Variants in MMRN1 observed in about 807,000 individuals in gnomAD.
MMRN1 encodes the protein multimerin 1.
Under a neutral mutation model 100.7 loss-of-function variants are expected in MMRN1, and 94 were observed. The observed-to-expected ratio is 0.93, with a 90% CI of 0.79 to 1.11. The LOEUF (loss-of-function observed/expected upper bound fraction) is 1.11, where lower values mean the gene tolerates loss of function less well. MMRN1 is among the 50% of genes least tolerant of loss of function. The pLI, the probability that MMRN1 is intolerant of heterozygous loss-of-function variation, is 0.00. For synonymous variants in MMRN1, 575 were observed against 505.0 expected (o/e 1.14, Z -1.86); for missense variants, 1,606 against 1,439.1 (o/e 1.12, Z -1.88).
At chr4:89,898,227 G>T (rs1721270627) in intron 1 of MMRN1, among the ~76,000 whole-genome samples, 1 of 151,984 alleles carries the variant, frequency 6.6e-6, no homozygotes, top group African/African-American at 2.4e-5. Context: ...ACACTTATAT[G>T]GCATCTGTTA....
At chr4:89,947,064 C>T (rs1227311688) in intron 6 of MMRN1, among the ~76,000 whole-genome samples, 1 of 152,092 alleles carries the variant, frequency 6.6e-6, no homozygotes, top group African/African-American at 2.4e-5. Flanking sequence ...GGTGGATCAC[C>T]TGAGGTTGGA....
chr4:89,953,328 G>A lies in MMRN1; in HGVS notation c.3597G>A (p.Gln1199=). The change falls in exon 8 of 8, where the codon CAG becomes CAA. Residue 1199 remains glutamine, a synonymous_variant. Transcript: ENST00000264790. ...CCTTATTAGAATTAAATTATGGGCA[G>A]GAAGTCTGGTTACGACTTGCAAAAG... ...GDALLELNYG[Q]EVWLRLAKGT... 2 of 1,613,774 alleles carry A rather than the reference G, an allele frequency of 1.2e-6. No homozygotes were observed. The highest frequency in any genetic ancestry group is 1.1e-5 in the South Asian group (1 of 91,044).
chr4:89,917,308 C>A (rs1047903558), intron 3 of MMRN1, among the ~76,000 whole-genome samples: 5 of 151,692 alleles, frequency 3.3e-5, no homozygotes, highest in African/African-American at 1.2e-4. Flanking sequence ...TATAATAAAG[C>A]TTTACCAAAG....
Position 89,894,987 on chromosome 4 carries a change from T to C in MMRN1, c.16T>C (p.Leu6=), listed in dbSNP as rs2110578152. 4 of 1,611,350 alleles carry C rather than the reference T, an allele frequency of 2.5e-6. No individual in the cohort carries two copies. The highest frequency in any genetic ancestry group is 3.4e-6 in the Non-Finnish European group (4 of 1,178,334). ...AACTACTGAGATGAAGGGGGCAAGA[T>C]TATTTGTCCTTCTTTCTAGTTTATG... MKGAR[L]FVLLSSLWSG... The change falls in exon 1 of 8, where the codon TTA becomes CTA. Residue 6 remains leucine (L), a synonymous_variant. Transcript: ENST00000264790.
At position 89,911,929 on chromosome 4, in the gene MMRN1, TG is replaced by T; in HGVS notation, c.744-14del. 1 of 1,495,772 alleles carries T rather than the reference TG, an allele frequency of 6.7e-7. No individual in the cohort carries two copies. The highest frequency in any genetic ancestry group is 9.2e-7 in the Non-Finnish European group (1 of 1,082,268). The allele number at this position is 1,495,772 out of a possible 1,614,324, so 92.7% of individuals were successfully genotyped here. A position where few individuals can be genotyped will look rare whatever the true frequency, so the allele number is the denominator to read the frequency against. ...AACAAATAATCGATTTCCCTCCAAT[TG>T]CTCAACTCTCTAGATCTCAGAAGAT... On this transcript the variant is annotated splice_polypyrimidine_tract_variant and intron_variant, in intron 2 of 7. Coordinates refer to ENST00000264790, the MANE Select transcript of MMRN1 (RefSeq NM_007351.3).
intron 6 of MMRN1, among the ~76,000 whole-genome samples, chr4:89,946,975 G>C (rs902914652): frequency 1.3e-5 from 2 of 152,020 alleles, no homozygotes; most frequent in African/African-American, 4.8e-5. Flanking sequence ...GGGAGAAGTT[G>C]TGGAAAGTTC....
rs546691663 is a variant in MMRN1, at chr4:89,887,118, C to G, written c.-249+7516C>G. 5.9e-5 allele frequency among the ~76,000 whole-genome samples: 9 copies of G among 151,990 alleles called. No homozygotes were observed. In the South Asian group the frequency reaches 1.2e-3, roughly 21 times the overall value. ...AGAAAACATGTGTATGTTTTTGAAG[C>G]CTTTGTCAAAAATTATTGATGAAAG... On this transcript the variant is annotated intron_variant, in intron 1 of 8. Transcript: ENST00000394980.
At chr4:89,936,911 G>A in intron 6 of MMRN1, 113 bp downstream of exon 6, 2 of 922,364 alleles carry the variant, frequency 2.2e-6, no homozygotes, top group Non-Finnish European at 3.1e-6. Flanking sequence ...CTTGAACTTG[G>A]ATAGATAGTC....
intron 5 of MMRN1, among the ~76,000 whole-genome samples, chr4:89,930,537 G>A (rs1578490859): frequency 7.1e-6 from 1 of 140,892 alleles, no homozygotes; most frequent in Non-Finnish European, 1.5e-5. Context: ...AAATTTTATT[G>A]TACCTTTCAA....
upstream of MMRN1, among the ~76,000 whole-genome samples, chr4:89,892,434 C>T (rs1344882276): frequency 3.3e-5 from 5 of 151,324 alleles, no homozygotes; most frequent in African/African-American, 7.3e-5. Flanking sequence ...TTCAGCCAGT[C>T]ATCTCAGCAA....
rs748985971 is a variant in MMRN1 at position 89,934,895 on chromosome 4, T to C, written c.1215T>C (p.Thr405=). ...TTTTTCAAAATGACATGCAAGAGACTGTAGCACAGCTCTTCAAGACTGTAT... is the reference window on the plus strand; with the variant it reads ...TTTTTCAAAATGACATGCAAGAGACCGTAGCACAGCTCTTCAAGACTGTAT... The part of the protein sequence containing the change: ...FKIFQNDMQE[T]VAQLFKTVSS... Residue 405 remains threonine (T), a synonymous_variant, in exon 6 of 8, where the codon ACT becomes ACC. Transcript: ENST00000264790. 4.3e-6 allele frequency: 7 copies of C among 1,610,458 alleles called. No homozygotes were observed. The Admixed American group carries it at 5.1e-5, about 12-fold the overall frequency.
chr4:89,885,575 T>C (rs1207700184), intron 1 of MMRN1, among the ~76,000 whole-genome samples: 1 of 152,100 alleles, frequency 6.6e-6, no homozygotes, highest in African/African-American at 2.4e-5. Flanking sequence ...GTGAAAGTTT[T>C]TATTATGAAT....
At position 89,953,608 on chromosome 4, in the gene MMRN1, A is replaced by G. The variant is rs1723254486; in HGVS notation, c.*190A>G. 2.2e-6 allele frequency: 1 copy of G among 460,782 alleles called. No homozygotes were observed. The highest frequency in any genetic ancestry group is 5.8e-5 in the South Asian group (1 of 17,132). 28.5% of individuals were successfully genotyped at this position (460,782 alleles called of 1,614,324 possible). ...ATATTGTTTAATGTCTGAATATGAA[A>G]GAGTTCTTGATCCTAAAGAAATTTA... is the stretch of plus-strand genomic sequence containing the variant. On this transcript the variant is annotated 3_prime_UTR_variant, in exon 8 of 8. Transcript: ENST00000264790.
chr4:89,939,182 A>G (rs1305846560), intron 6 of MMRN1, among the ~76,000 whole-genome samples: 1 of 152,234 alleles, frequency 6.6e-6, no homozygotes, highest in East Asian at 1.9e-4. Context: ...ACACTGTTTA[A>G]ATTTGGCTGT....
chr4:89,884,707 C>T (rs1048160536), intron 1 of MMRN1, among the ~76,000 whole-genome samples: 1 of 152,138 alleles, frequency 6.6e-6, no homozygotes, highest in East Asian at 1.9e-4. Context: ...AGTGATCCTC[C>T]AGCCTCAGCC....
At chr4:89,907,430 T>C (rs1721602374) in intron 1 of MMRN1, among the ~76,000 whole-genome samples, 1 of 151,562 alleles carries the variant, frequency 6.6e-6, no homozygotes, top group Non-Finnish European at 1.5e-5. Context: ...TGTGTTGTTT[T>C]CTGGAATTTG....
At chr4:89,950,706 T>C (rs1723138247) in intron 6 of MMRN1, among the ~76,000 whole-genome samples, 2 of 152,002 alleles carry the variant, frequency 1.3e-5, no homozygotes, top group African/African-American at 2.4e-5. Flanking sequence ...GTGAAGACCA[T>C]TTTCTTATTT....
chr4:89,937,382 T>G (rs574358373), intron 6 of MMRN1, among the ~76,000 whole-genome samples: 1 of 152,020 alleles, frequency 6.6e-6, no homozygotes, highest in Non-Finnish European at 1.5e-5. Flanking sequence ...AGCAATAGTG[T>G]GTAGTGTGAT....
chr4:89,913,583 C>G (rs939068013), intron 3 of MMRN1, among the ~76,000 whole-genome samples: 4 of 151,296 alleles, frequency 2.6e-5, no homozygotes. Context: ...CAAATATAGA[C>G]TGTGTCCTGC....
Sources: allele counts gnomAD v4.1 joint callset (sites outside exome capture counted in the v4.1 genomes callset), GRCh38; gene constraint gnomAD v4.1.1; transcripts MANE v1.5; gene names NCBI Gene and HGNC (gene_info 2026-07-23, HGNC 2026-07-21).